The following RSPH10B variants were observed in gnomAD, a reference collection of about 807,000 sequenced individuals.
RSPH10B encodes the protein radial spoke head 10 homolog B (Chlamydomonas).
In RSPH10B, 7 loss-of-function variants were observed where a neutral mutation model predicts 52.5. The observed-to-expected ratio is 0.13, with a 90% CI of 0.08 to 0.25. The LOEUF (loss-of-function observed/expected upper bound fraction) is 0.25. Among genes scored for constraint, RSPH10B ranks in the 10% least tolerant of loss-of-function variants. The pLI, the probability that RSPH10B is intolerant of heterozygous loss-of-function variation, is 1.00. For synonymous variants in RSPH10B, 28 were observed against 193.2 expected (o/e 0.14, Z 7.09); for missense variants, 89 against 542.5 (o/e 0.16, Z 8.30).
exon 19 of RSPH10B, chr7:5,926,272 A>AAAAC: frequency 1.4e-6 from 1 of 715,918 alleles, no homozygotes; most frequent in East Asian, 2.7e-5. Context: ...GGGGTATGTT[A>AAAAC]AAACACTGTG....
At chr7:5,968,569 C>G (rs1053268720), upstream of RSPH10B, among the ~76,000 whole-genome samples, 1 of 69,548 alleles carries the variant, frequency 1.4e-5, no homozygotes, top group African/African-American at 4.5e-5. Flanking sequence ...TGCGGTGGTG[C>G]GATCTTGGCT....
chr7:5,940,119 C>A (rs1325121302), intron 13 of RSPH10B, among the ~76,000 whole-genome samples: 4 of 121,646 alleles, frequency 3.3e-5, no homozygotes, highest in East Asian at 2.1e-4. Context: ...ATCACTTGAG[C>A]CCAGGAGGCA....
intron 7 of RSPH10B, among the ~76,000 whole-genome samples, chr7:5,954,799 CACACACACACACGT>C (rs1319322071): frequency 3.1e-3 from 161 of 51,398 alleles, no homozygotes; most frequent in Non-Finnish European, 4.8e-3. Flanking sequence ...CATCCTCATA[CACACACACACACGT>C]ACACACACAC....
intron 11 of RSPH10B, among the ~76,000 whole-genome samples, chr7:5,944,526 AC>A (rs1344276607): frequency 1.3e-5 from 2 of 149,164 alleles, no homozygotes; most frequent in African/African-American, 5.0e-5. Context: ...TGCATTAGAA[AC>A]CCCGAGAGAT....
At chr7:5,931,862 G>A (rs1355086889) in intron 17 of RSPH10B, among the ~76,000 whole-genome samples, 1 of 151,032 alleles carries the variant, frequency 6.6e-6, no homozygotes, top group Non-Finnish European at 1.5e-5. Flanking sequence ...AGTGATGGGT[G>A]CCTGTAATCC....
At chr7:5,953,651 T>TA (rs1259124387) in intron 7 of RSPH10B, 1 of 145,474 alleles carries the variant, frequency 6.9e-6, no homozygotes, top group Middle Eastern at 3.5e-3. Context: ...AATATGCACT[T>TA]ACTCTACACA....
At chr7:5,927,135 A>AGGCTG (rs1373833935) in intron 18 of RSPH10B, among the ~76,000 whole-genome samples, 7 of 135,858 alleles carry the variant, frequency 5.2e-5, no homozygotes, top group Admixed American at 1.5e-4. Flanking sequence ...TGTGTTGCCC[A>AGGCTG]GGCTGGAGTG....
chr7:5,943,215 C>T (rs565327766), intron 13 of RSPH10B, 109 bp downstream of exon 15: 1 of 1,551,154 alleles, frequency 6.4e-7, no homozygotes, highest in South Asian at 1.2e-5. Flanking sequence ...AAATCCAGCC[C>T]AGATCTTCAC....
chr7:5,927,050 ATGTGTGTGTGTGTGTGTATATG>A (rs1478716468), intron 18 of RSPH10B, among the ~76,000 whole-genome samples: 81 of 56,084 alleles, frequency 1.4e-3, no homozygotes, highest in African/African-American at 3.6e-3. Flanking sequence ...TGTGTGTATT[ATGTGTGTGTGTGTGTGTATATG>A]TGTGTGTGTG....
chr7:5,940,935 TAATAATA>T, intron 13 of RSPH10B, among the ~76,000 whole-genome samples: 1 of 69,938 alleles, frequency 1.4e-5, no homozygotes, highest in African/African-American at 5.4e-5. Flanking sequence ...ATAATAATAA[TAATAATA>T]ATTATTATTA....
chr7:5,929,599 A>G (rs1779703901), intron 17 of RSPH10B, among the ~76,000 whole-genome samples: 1 of 9,394 alleles, frequency 1.1e-4, no homozygotes, highest in Non-Finnish European at 2.0e-4. Context: ...TACTCTCACA[A>G]AAGTAATTTC....
intron 7 of RSPH10B, among the ~76,000 whole-genome samples, chr7:5,954,820 A>T (rs1780688670): frequency 1.6e-5 from 1 of 60,938 alleles, no homozygotes; most frequent in Non-Finnish European, 3.2e-5. Flanking sequence ...ACGTACACAC[A>T]CACCAAACAC....
rs189073219 is a variant in RSPH10B, at chr7:5,927,702, A to G, written c.2432+494T>C. Among the ~76,000 whole-genome samples, 764 of 143,848 alleles carry G rather than the reference A, an allele frequency of 5.3e-3. 9 individuals carry two copies. Among genetic ancestry groups the G allele is most frequent in the African/African-American group, 0.02 (725 of 35,822 alleles). 94.4% of individuals were successfully genotyped at this position (143,848 alleles called of 152,430 possible). A position where few individuals can be genotyped will look rare whatever the true frequency, so the allele number is the denominator to read the frequency against. On this transcript the variant is annotated intron_variant, in intron 18 of 18. Coordinates refer to ENST00000337579, the Ensembl canonical transcript of RSPH10B. ...TGTGACCCCAGCACTTTGGGAGGCC[A>G]AAGCTGGCAGATCACTTGAGGTCAG...
rs1303225346 is a variant in RSPH10B, at chr7:5,926,912, G to A, written c.2433-364C>T. ...TGGGATTATAGGCTTCCGCTACCAC[G>A]CCCGGCTAATATTTTGTATTTTTAG... On this transcript the variant is annotated intron_variant, in intron 18 of 18. Coordinates refer to ENST00000337579, the Ensembl canonical transcript of RSPH10B. 3.1e-4 allele frequency among the ~76,000 whole-genome samples: 45 copies of A among 143,624 alleles called. No homozygotes were observed. In the East Asian group the frequency reaches 5.7e-3, roughly 18 times the overall value. The allele number at this position is 143,624 out of a possible 152,430, so 94.2% of individuals were successfully genotyped here.
chr7:5,958,901 T>G (rs1780830532), intron 5 of RSPH10B, 92 bp downstream of exon 7: 1 of 1,412,458 alleles, frequency 7.1e-7, no homozygotes, highest in Non-Finnish European at 9.9e-7. Flanking sequence ...GTGCAACTTT[T>G]GCATCTTACT....
At chr7:5,944,626 G>A (rs1411225622) in intron 11 of RSPH10B, among the ~76,000 whole-genome samples, 1 of 145,900 alleles carries the variant, frequency 6.9e-6, no homozygotes, top group Non-Finnish European at 1.5e-5. Flanking sequence ...TTGTGGAAAG[G>A]TTGTGTTCTG....
At chr7:5,968,667 T>C (rs1367449667), upstream of RSPH10B, among the ~76,000 whole-genome samples, 3 of 67,110 alleles carry the variant, frequency 4.5e-5, no homozygotes, top group African/African-American at 1.4e-4. Context: ...CCACCACACC[T>C]GGCTAATTCT....
intron 18 of RSPH10B, among the ~76,000 whole-genome samples, chr7:5,927,048 T>TGTGTGTGTGTA (rs1347951159): frequency 5.6e-5 from 4 of 70,834 alleles, no homozygotes; most frequent in South Asian, 3.7e-4. Context: ...TGTGTGTGTA[T>TGTGTGTGTGTA]TATGTGTGTG....
chr7:5,927,655 G>C (rs924416202), intron 18 of RSPH10B, among the ~76,000 whole-genome samples: 1 of 145,914 alleles, frequency 6.9e-6, no homozygotes, highest in Non-Finnish European at 1.5e-5. Flanking sequence ...ATAGAAAATA[G>C]CTGCATGCAG....
Sources: gnomAD v4.1 joint callset for allele counts (sites outside exome capture counted in the v4.1 genomes callset) on GRCh38, gnomAD v4.1.1 for gene constraint, MANE v1.5 for transcripts, NCBI Gene and HGNC (gene_info 2026-07-23, HGNC 2026-07-21) for gene names.